CCDC91: variants seen among roughly 807,000 people sequenced by gnomAD.
CCDC91 encodes coiled-coil domain-containing protein 91.
Under a neutral mutation model 63.2 loss-of-function variants are expected in CCDC91, and 48 were observed. The ratio of observed to expected loss-of-function variants is 0.76; its 90% CI spans 0.60 to 0.97. The LOEUF is 0.97. CCDC91 is among the 50% of genes least tolerant of loss of function. CCDC91 has a pLI of 0.00. For missense variants in CCDC91, 500 were observed against 494.6 expected, an observed-to-expected ratio of 1.01 and a Z score of -0.10; for synonymous variants, 167 against 165.8, an observed-to-expected ratio of 1.01 and a Z score of -0.06.
At chr12:28,426,040 A>G (rs1052784961) in intron 8 of CCDC91, among the ~76,000 whole-genome samples, 1 of 152,198 alleles carries the variant, frequency 6.6e-6, no homozygotes, top group Non-Finnish European at 1.5e-5. Flanking sequence ...TTGCATAAAT[A>G]CCATAGTATT....
At chr12:28,192,965 C>T (rs1941392377) in intron 1 of CCDC91, among the ~76,000 whole-genome samples, 1 of 152,066 alleles carries the variant, frequency 6.6e-6, no homozygotes, top group African/African-American at 2.4e-5. Context: ...ATAGCTTTGT[C>T]TTTTCTGGTA....
intron 11 of CCDC91, among the ~76,000 whole-genome samples, chr12:28,479,529 G>A (rs1162343254): frequency 1.3e-5 from 2 of 151,988 alleles, no homozygotes; most frequent in Non-Finnish European, 2.9e-5. Flanking sequence ...CGAGTTAATG[G>A]GTGCAGCACA....
chr12:28,231,062 A>G (rs1425970907), intron 1 of CCDC91, among the ~76,000 whole-genome samples: 1 of 152,286 alleles, frequency 6.6e-6, no homozygotes, highest in Non-Finnish European at 1.5e-5. Context: ...TTGATAGGAC[A>G]CTATACTAGA....
chr12:28,247,353 G>A (rs1446603541), intron 1 of CCDC91, among the ~76,000 whole-genome samples: 1 of 151,980 alleles, frequency 6.6e-6, no homozygotes, highest in South Asian at 2.1e-4. Context: ...GGTGGAGGGC[G>A]CCTGTAGTCT....
In CCDC91 at chr12:28,200,978, C is replaced by T. The variant is rs1339565590; in HGVS notation, c.-15+10337C>T. Among the ~76,000 whole-genome samples the T allele has an allele frequency of 9.3e-5, 13 of 139,534 alleles. 1 individual carries two copies. The South Asian group carries it at 1.1e-3, about 11-fold the overall frequency. The allele number at this position is 139,534 out of a possible 152,430, so 91.5% of individuals were successfully genotyped here. A position where few individuals can be genotyped will look rare whatever the true frequency, so the allele number is the denominator to read the frequency against. ...CTGACCCCCCAACCTCCCTCCCGGA[C>T]GGGGCGGCTGGCCGGGCGGGGGGCT... On this transcript the variant is annotated intron_variant, in intron 1 of 12. Transcript: ENST00000536442.
chr12:28,223,846 G>T (rs1944102864), intron 1 of CCDC91, among the ~76,000 whole-genome samples: 1 of 152,150 alleles, frequency 6.6e-6, no homozygotes, highest in African/African-American at 2.4e-5. Flanking sequence ...CTTCTTAAAA[G>T]AAGTAGGCTT....
At chr12:28,536,181 G>T (rs1942160066) in intron 12 of CCDC91, among the ~76,000 whole-genome samples, 1 of 142,738 alleles carries the variant, frequency 7.0e-6, no homozygotes. Context: ...AATATAGTAG[G>T]CCAGTGTTAG....
chr12:28,282,848 T>C (rs778455300), intron 3 of CCDC91, among the ~76,000 whole-genome samples: 4 of 152,148 alleles, frequency 2.6e-5, no homozygotes, highest in African/African-American at 7.2e-5. Context: ...GGTCTTAGAT[T>C]TAAGTCTTTA....
intron 8 of CCDC91, among the ~76,000 whole-genome samples, chr12:28,438,227 C>T (rs926236177): frequency 5.3e-5 from 8 of 152,036 alleles, no homozygotes; most frequent in South Asian, 2.1e-4. Flanking sequence ...TCCATATCTC[C>T]GGTAGTAAGA....
intron 7 of CCDC91, among the ~76,000 whole-genome samples, chr12:28,371,860 A>T (rs1476111772): frequency 6.6e-6 from 1 of 152,130 alleles, no homozygotes; most frequent in Non-Finnish European, 1.5e-5. Flanking sequence ...CACTACCTTT[A>T]CTGGCATGCT....
At chr12:28,478,315 A>G (rs1316507275) in intron 11 of CCDC91, among the ~76,000 whole-genome samples, 1 of 152,158 alleles carries the variant, frequency 6.6e-6, no homozygotes, top group African/African-American at 2.4e-5. Context: ...CCGCATATCT[A>G]CAACCATCTG....
chr12:28,254,506 C>T (rs141631961), intron 1 of CCDC91, among the ~76,000 whole-genome samples: 4 of 151,886 alleles, frequency 2.6e-5, no homozygotes, highest in East Asian at 3.9e-4. Flanking sequence ...ATAAATAAGC[C>T]CACATTTGTA....
At chr12:28,471,218 A>T (rs1432799998) in intron 11 of CCDC91, among the ~76,000 whole-genome samples, 1 of 152,200 alleles carries the variant, frequency 6.6e-6, no homozygotes, top group East Asian at 1.9e-4. Context: ...GGGAAAAAAC[A>T]ATGTGCAAAT....
chr12:28,350,801 T>C (rs1296183329), intron 6 of CCDC91, among the ~76,000 whole-genome samples: 1 of 152,214 alleles, frequency 6.6e-6, no homozygotes, highest in East Asian at 1.9e-4. Flanking sequence ...CAATTTCTGC[T>C]TCTATCTTCT....
intron 8 of CCDC91, among the ~76,000 whole-genome samples, chr12:28,445,813 G>A (rs1413446792): frequency 6.6e-6 from 1 of 152,244 alleles, no homozygotes; most frequent in South Asian, 2.1e-4. Flanking sequence ...GAGAGAATAC[G>A]CGAGTGCTCT....
chr12:28,261,003 AAGTGT>A, intron 3 of CCDC91, among the ~76,000 whole-genome samples: 1 of 152,016 alleles, frequency 6.6e-6, no homozygotes, highest in Non-Finnish European at 1.5e-5. Context: ...TTTAGGGATG[AAGTGT>A]ATTCTTTCAG....
At chr12:28,305,018 A>T (rs543548301) in intron 3 of CCDC91, among the ~76,000 whole-genome samples, 1 of 152,276 alleles carries the variant, frequency 6.6e-6, no homozygotes, top group African/African-American at 2.4e-5. Flanking sequence ...AATTCAGCAA[A>T]CTTAAACTGA....
At chr12:28,201,290 A>AG (rs71517039) in intron 1 of CCDC91, among the ~76,000 whole-genome samples, 1 of 147,034 alleles carries the variant, frequency 6.8e-6, no homozygotes, top group African/African-American at 2.5e-5. Context: ...TGCCAGGCGG[A>AG]GGGTCTCCTC....
intron 8 of CCDC91, among the ~76,000 whole-genome samples, chr12:28,438,303 C>A (rs1237785748): frequency 6.6e-6 from 1 of 152,040 alleles, no homozygotes; most frequent in Non-Finnish European, 1.5e-5. Flanking sequence ...TAGTACTTTA[C>A]AAAAGGGCTT....
Sources: allele counts gnomAD v4.1 joint callset (sites outside exome capture counted in the v4.1 genomes callset), GRCh38; gene constraint gnomAD v4.1.1; transcripts MANE v1.5; gene names NCBI Gene and HGNC (gene_info 2026-07-23, HGNC 2026-07-21).